ACBD7: variants seen among roughly 807,000 people sequenced by gnomAD.
The protein encoded by ACBD7 is acyl-CoA binding domain containing 7, also known as acyl-CoA-binding domain-containing protein 7.
Under a neutral mutation model 13.7 loss-of-function variants are expected in ACBD7, and 11 were observed. That is an observed-to-expected ratio of 0.80 (90% CI 0.50 to 1.33). The LOEUF (loss-of-function observed/expected upper bound fraction) is 1.33. ACBD7 is among the 40% of genes most tolerant of loss of function. ACBD7 has a pLI of 0.00. For synonymous variants in ACBD7, 43 were observed against 37.7 expected, an observed-to-expected ratio of 1.14 and a Z score of -0.51; for missense variants, 111 against 103.0, an observed-to-expected ratio of 1.08 and a Z score of -0.33.
intron 1 of ACBD7, among the ~76,000 whole-genome samples, chr10:15,082,738 T>C (rs1386193569): frequency 3.9e-5 from 6 of 152,082 alleles, no homozygotes; most frequent in East Asian, 1.9e-4. Context: ...CTAAGCCTTC[T>C]TGAAAACCCA....
chr10:15,086,596 C>A (rs1422392693), intron 1 of ACBD7, among the ~76,000 whole-genome samples: 3 of 152,138 alleles, frequency 2.0e-5, no homozygotes, highest in Non-Finnish European at 4.4e-5. Context: ...AATATTTGAG[C>A]CAGGCAAGGT....
At position 15,081,195 on chromosome 10, in the gene ACBD7, G is replaced by T. The variant is rs577821323; in HGVS notation, c.13-2155C>A. Among the ~76,000 whole-genome samples the T allele has an allele frequency of 4.6e-5, 7 of 151,778 alleles. No homozygotes were observed. The South Asian group carries it at 1.5e-3, about 31-fold the overall frequency. ...TGGTTAACGTTAAATACTAAAAGCA[G>T]AAAGAGCAAGTGCCCTCATACGAAG... On this transcript the variant is annotated intron_variant, in intron 1 of 3. Transcript: ENST00000356189.
At chr10:15,087,191 A>G (rs1844819835) in intron 1 of ACBD7, among the ~76,000 whole-genome samples, 2 of 151,968 alleles carry the variant, frequency 1.3e-5, no homozygotes, top group Non-Finnish European at 2.9e-5. Context: ...AAACAAACAA[A>G]CTAAATGTTC....
At chr10:15,084,691 C>G (rs909457311) in intron 1 of ACBD7, among the ~76,000 whole-genome samples, 9 of 152,122 alleles carry the variant, frequency 5.9e-5, no homozygotes, top group African/African-American at 2.2e-4. Context: ...GCTGAAGTTA[C>G]AAAGTTACAC....
In ACBD7 at chr10:15,076,718, G is replaced by A. The variant is rs756361214; in HGVS notation, c.*1812C>T. 3 of 878,512 alleles carry A rather than the reference G, an allele frequency of 3.4e-6. No individual in the cohort carries two copies. Among genetic ancestry groups the A allele is most frequent in the Non-Finnish European group, 4.1e-6 (3 of 733,028 alleles). 54.4% of individuals were successfully genotyped at this position (878,512 alleles called of 1,614,324 possible). A position where few individuals can be genotyped will look rare whatever the true frequency, so the allele number is the denominator to read the frequency against. On this transcript the variant is annotated 3_prime_UTR_variant, in exon 4 of 4. Transcript: ENST00000356189. ...GGGGTTTTGCAATGTTGGTCAGGCT[G>A]GTCTCGAACTTCTGACCTCAGTAAT...
chr10:15,079,344 C>T (rs1844722908), intron 1 of ACBD7, among the ~76,000 whole-genome samples: 1 of 149,622 alleles, frequency 6.7e-6, no homozygotes, highest in South Asian at 2.1e-4. Context: ...GCACCGTCTC[C>T]ACTCACTGCA....
chr10:15,083,721 G>GACCT (rs1439449764), intron 1 of ACBD7, among the ~76,000 whole-genome samples: 104 of 152,316 alleles, frequency 6.8e-4, no homozygotes, highest in Non-Finnish European at 7.3e-5. Flanking sequence ...GAACTCAAGT[G>GACCT]ACCTGCCTAC....
chr10:15,077,402 T>G lies in ACBD7; in HGVS notation c.*1128A>C, dbSNP rs1026915871. 6.6e-6 allele frequency: 1 copy of G among 152,074 alleles called. No homozygotes were observed. Among genetic ancestry groups the G allele is most frequent in the East Asian group, 1.9e-4 (1 of 5,190 alleles). 9.4% of individuals were successfully genotyped at this position (152,074 alleles called of 1,614,324 possible). A position where few individuals can be genotyped will look rare whatever the true frequency, so the allele number is the denominator to read the frequency against. Reference sequence around the variant, plus strand: ...AAAAAAAAATACCACATGTTTTCACTTATAAGTGGGAGTTAAACAGGGTGT... The same window carrying G: ...AAAAAAAAATACCACATGTTTTCACGTATAAGTGGGAGTTAAACAGGGTGT... On this transcript the variant is annotated 3_prime_UTR_variant, in exon 4 of 4. Coordinates refer to ENST00000356189, the MANE Select transcript of ACBD7 (RefSeq NM_001039844.3).
intron 2 of ACBD7, 43 bp downstream of exon 2, chr10:15,078,876 TATTA>T (rs1191442790): frequency 1.2e-5 from 15 of 1,234,020 alleles, no homozygotes; most frequent in Non-Finnish European, 1.6e-5. Context: ...GCAATTAATA[TATTA>T]ATTGTAACAT....
At chr10:15,081,718 G>A (rs1393278603) in intron 1 of ACBD7, among the ~76,000 whole-genome samples, 4 of 152,092 alleles carry the variant, frequency 2.6e-5, no homozygotes, top group Non-Finnish European at 5.9e-5. Flanking sequence ...CTTGGTCCAC[G>A]AACAGTAGCA....
At chr10:15,088,079 G>A (rs1844829799) in intron 1 of ACBD7, among the ~76,000 whole-genome samples, 2 of 137,754 alleles carry the variant, frequency 1.5e-5, no homozygotes, top group African/African-American at 6.7e-5. Flanking sequence ...TTACGTGTAG[G>A]AATAAAACTA....
At chr10:15,084,758 C>G (rs1264353390) in intron 1 of ACBD7, among the ~76,000 whole-genome samples, 1 of 152,270 alleles carries the variant, frequency 6.6e-6, no homozygotes, top group African/African-American at 2.4e-5. Flanking sequence ...GGAAAGCAAC[C>G]AATCAGAGGC....
At position 15,078,386 on chromosome 10, in the gene ACBD7, A is replaced by C. The variant is rs1408525548; in HGVS notation, c.*144T>G. On this transcript the variant is annotated 3_prime_UTR_variant, in exon 4 of 4. Coordinates refer to ENST00000356189, the MANE Select transcript of ACBD7 (RefSeq NM_001039844.3). The stretch of plus-strand genomic sequence containing the variant: ...ACAATTGAGTTAACTATGTAGTTTC[A>C]GTATACTTCTAAGTACTACAGCTCA... 2 of 1,516,310 alleles carry C rather than the reference A, an allele frequency of 1.3e-6. No homozygotes were observed. Among genetic ancestry groups the C allele is most frequent in the African/African-American group, 2.8e-5 (2 of 72,052 alleles). The allele number at this position is 1,516,310 out of a possible 1,614,324, so 93.9% of individuals were successfully genotyped here.
rs752344367 is a variant in ACBD7, at chr10:15,078,582, G to A, written c.215C>T (p.Thr72Met). ...CTTTGCTTTAGAAATATAGGCACTC[G>A]TCGCATCTTCCGTCGACAACCCTAG... ...LKKGLSTEDA[T>M]SAYISKAKEL... Residue 72 changes from threonine to methionine, a missense_variant, in exon 4 of 4, where the codon ACG (threonine) becomes ATG (methionine). Thr to Met is a moderately conservative substitution (Grantham distance 81). Transcript: ENST00000356189. The A allele has an allele frequency of 2.4e-5, 38 of 1,613,898 alleles. No homozygotes were observed. Among genetic ancestry groups the A allele is most frequent in the Middle Eastern group, 1.6e-4 (1 of 6,084 alleles).
At chr10:15,087,124 G>A (rs1844818881) in intron 1 of ACBD7, among the ~76,000 whole-genome samples, 1 of 152,120 alleles carries the variant, frequency 6.6e-6, no homozygotes. Flanking sequence ...AGGCTGCAGT[G>A]AGCTGAGATC....
chr10:15,084,117 G>C (rs1844781601), intron 1 of ACBD7, among the ~76,000 whole-genome samples: 1 of 152,212 alleles, frequency 6.6e-6, no homozygotes, highest in Admixed American at 6.5e-5. Flanking sequence ...GCTGCAGAGG[G>C]GCAGGGAAAG....
chr10:15,086,440 G>A (rs753663668), intron 1 of ACBD7, among the ~76,000 whole-genome samples: 22 of 152,050 alleles, frequency 1.4e-4, no homozygotes, highest in Admixed American at 3.3e-4. Context: ...TTAATTCCTC[G>A]TTGCAAGTAT....
intron 1 of ACBD7, among the ~76,000 whole-genome samples, chr10:15,082,281 C>G (rs1234121733): frequency 2.0e-5 from 2 of 100,826 alleles, no homozygotes; most frequent in African/African-American, 9.0e-5. Flanking sequence ...GCAAGACTAT[C>G]TCAAAAAAAA....
chr10:15,076,017 T>A lies in ACBD7; in HGVS notation c.*2513A>T. On this transcript the variant is annotated 3_prime_UTR_variant, in exon 4 of 4. Transcript: ENST00000356189. ...AAAAAAGAAAAGAAAAAGAATGTTA[T>A]ATAAATGGAATTATACATGTCACAT... The A allele has an allele frequency of 1.5e-5, 9 of 614,322 alleles. No homozygotes were observed. The highest frequency in any genetic ancestry group is 1.6e-5 in the Non-Finnish European group (8 of 491,082). The allele number at this position is 614,322 out of a possible 1,614,324, so 38.1% of individuals were successfully genotyped here.
Sources: allele counts gnomAD v4.1 joint callset (sites outside exome capture counted in the v4.1 genomes callset), GRCh38; gene constraint gnomAD v4.1.1; transcripts MANE v1.5; gene names NCBI Gene and HGNC (gene_info 2026-07-23, HGNC 2026-07-21).